The following TPRG1 variants were observed in gnomAD, a reference collection of about 807,000 sequenced individuals.
TPRG1 encodes the protein tumor protein p63-regulated gene 1 protein.
Under a neutral mutation model 29.3 loss-of-function variants are expected in TPRG1, and 29 were observed. The observed-to-expected ratio is 0.99, with a 90% CI of 0.74 to 1.35. The LOEUF is 1.35. TPRG1 is among the 40% of genes most tolerant of loss of function. The probability of loss-of-function intolerance (pLI) is 0.00; values close to 1 mark genes in which losing one functional copy is unlikely to be tolerated. For synonymous variants in TPRG1, 130 were observed against 116.8 expected (o/e 1.11, Z -0.73); for missense variants, 327 against 335.0 (o/e 0.98, Z 0.19).
intron 1 of TPRG1, among the ~76,000 whole-genome samples, chr3:189,199,726 A>T (rs1393672836): frequency 6.6e-6 from 1 of 152,148 alleles, no homozygotes; most frequent in Non-Finnish European, 1.5e-5. Context: ...CTGTAATCCC[A>T]GCTACTCAGG....
At chr3:189,052,599 C>T (rs1396308372) in intron 4 of TPRG1, among the ~76,000 whole-genome samples, 1 of 152,156 alleles carries the variant, frequency 6.6e-6, no homozygotes, top group Non-Finnish European at 1.5e-5. Flanking sequence ...GGGTATCTAC[C>T]AGAGGAAAAG....
chr3:189,012,923 A>T (rs766278394), intron 3 of TPRG1, among the ~76,000 whole-genome samples: 1 of 151,690 alleles, frequency 6.6e-6, no homozygotes, highest in Non-Finnish European at 1.5e-5. Context: ...TATTTTATTA[A>T]TTTTTCAAAA....
intron 4 of TPRG1, among the ~76,000 whole-genome samples, chr3:189,074,999 G>C (rs1332753361): frequency 1.3e-5 from 2 of 151,804 alleles, no homozygotes; most frequent in Non-Finnish European, 2.9e-5. Flanking sequence ...TTTTAGTAGA[G>C]ACAGGGTTTC....
intron 4 of TPRG1, among the ~76,000 whole-genome samples, chr3:189,094,470 T>TCC (rs1368845558): frequency 1.3e-5 from 2 of 152,156 alleles, no homozygotes; most frequent in African/African-American, 4.8e-5. Context: ...ATGCTGACAA[T>TCC]CCCCGTTAAA....
At chr3:189,275,979 G>A (rs536840158) in intron 4 of TPRG1, among the ~76,000 whole-genome samples, 1 of 152,138 alleles carries the variant, frequency 6.6e-6, no homozygotes, top group Admixed American at 6.5e-5. Flanking sequence ...AGACACCTAG[G>A]GGAATCATAG....
chr3:189,097,965 G>T (rs987367566), upstream of TPRG1, among the ~76,000 whole-genome samples: 1 of 152,116 alleles, frequency 6.6e-6, no homozygotes, highest in Non-Finnish European at 1.5e-5. Flanking sequence ...AGGCCTGTTT[G>T]TACTAGATCT....
chr3:189,034,435 C>T (rs1339306370), intron 4 of TPRG1, among the ~76,000 whole-genome samples: 5 of 152,068 alleles, frequency 3.3e-5, no homozygotes, highest in Non-Finnish European at 5.9e-5. Flanking sequence ...AAAATTGGCT[C>T]ATTAGAAATG....
intron 5 of TPRG1, among the ~76,000 whole-genome samples, chr3:189,154,792 C>CA (rs1198239911): frequency 3.3e-5 from 5 of 151,494 alleles, no homozygotes; most frequent in Non-Finnish European, 1.5e-5. Flanking sequence ...GGGGTTGAGA[C>CA]AAAAAATAAT....
chr3:189,279,424 T>C (rs989592373), intron 4 of TPRG1, among the ~76,000 whole-genome samples: 8 of 152,230 alleles, frequency 5.3e-5, no homozygotes, highest in Non-Finnish European at 1.0e-4. Context: ...GAGGCAAGTA[T>C]GCCCTAGTGC....
intron 4 of TPRG1, among the ~76,000 whole-genome samples, chr3:189,057,625 A>C (rs1483984166): frequency 6.6e-6 from 1 of 151,354 alleles, no homozygotes; most frequent in African/African-American, 2.4e-5. Context: ...AGATGTGGAC[A>C]AACTTCATGT....
chr3:189,038,342 T>A (rs1714414385), intron 4 of TPRG1, among the ~76,000 whole-genome samples: 1 of 152,106 alleles, frequency 6.6e-6, no homozygotes, highest in Non-Finnish European at 1.5e-5. Flanking sequence ...ACTTTTCAGT[T>A]TGGAATATAT....
intron 1 of TPRG1, chr3:189,127,002 C>T (rs934780305): frequency 1.3e-5 from 2 of 152,150 alleles, no homozygotes; most frequent in Non-Finnish European, 2.9e-5. Flanking sequence ...AAACTTAGAG[C>T]TTCTGACCTC....
intron 4 of TPRG1, among the ~76,000 whole-genome samples, chr3:189,263,132 C>G (rs761261916): frequency 1.3e-5 from 2 of 152,246 alleles, no homozygotes; most frequent in Non-Finnish European, 2.9e-5. Flanking sequence ...TCCAGAAGGG[C>G]AGGAAGACTG....
chr3:189,103,627 A>G (rs934554441), intron 1 of TPRG1, among the ~76,000 whole-genome samples: 1 of 152,210 alleles, frequency 6.6e-6, no homozygotes. Context: ...TAGAAGTAAA[A>G]ATAAGCCAGA....
chr3:189,088,643 T>A (rs73890960), intron 4 of TPRG1, among the ~76,000 whole-genome samples: 14,048 of 152,130 alleles, frequency 0.092, 821 homozygotes, highest in African/African-American at 0.17. Context: ...TTATAATAAA[T>A]CATCTATATC....
At chr3:189,274,456 A>G (rs561699218) in intron 4 of TPRG1, among the ~76,000 whole-genome samples, 31 of 152,240 alleles carry the variant, frequency 2.0e-4, no homozygotes, top group Non-Finnish European at 3.7e-4. Flanking sequence ...GGGAGTTTTT[A>G]TATTGTACAG....
At chr3:189,088,401 G>C (rs569674443) in intron 4 of TPRG1, among the ~76,000 whole-genome samples, 4 of 152,178 alleles carry the variant, frequency 2.6e-5, no homozygotes, top group Admixed American at 6.5e-5. Context: ...GAGATTTGGG[G>C]CTGAGACGAT....
At position 189,222,240 on chromosome 3, in the gene TPRG1, G is replaced by T. The variant is rs146818066; in HGVS notation, c.302+6857G>T. 2.8e-3 allele frequency among the ~76,000 whole-genome samples: 424 copies of T among 152,178 alleles called. 1 individual carries two copies. Among genetic ancestry groups the T allele is most frequent in the African/African-American group, 9.8e-3 (407 of 41,504 alleles). ...GGGCAATGCTGATGGACTAAAGCCA[G>T]TCACACGTTTACCTTGTCACAGTCT... is the stretch of plus-strand genomic sequence containing the variant. On this transcript the variant is annotated intron_variant, in intron 3 of 5. Coordinates refer to ENST00000345063, the MANE Select transcript of TPRG1 (RefSeq NM_198485.4).
intron 1 of TPRG1, among the ~76,000 whole-genome samples, chr3:189,116,848 G>A (rs149275260): frequency 6.5e-4 from 99 of 152,222 alleles, no homozygotes; most frequent in African/African-American, 2.3e-3. Context: ...AAAGAGTTTT[G>A]GAGACTGGTT....
Sources: gnomAD v4.1 joint callset for allele counts (sites outside exome capture counted in the v4.1 genomes callset) on GRCh38, gnomAD v4.1.1 for gene constraint, MANE v1.5 for transcripts, NCBI Gene and HGNC (gene_info 2026-07-23, HGNC 2026-07-21) for gene names.